The following STARD13 variants were observed in gnomAD, a reference collection of about 807,000 sequenced individuals.
STARD13 encodes StAR related lipid transfer domain containing 13.
Under a neutral mutation model 106.4 loss-of-function variants are expected in STARD13, and 62 were observed. The ratio of observed to expected loss-of-function variants is 0.58; its 90% CI spans 0.48 to 0.72. The LOEUF is 0.72. Ranked by LOEUF, STARD13 falls within the 30% of genes least tolerant of loss-of-function variation. STARD13 has a pLI of 0.00. For missense variants in STARD13, 1,387 were observed against 1,424.0 expected (o/e 0.97, Z 0.42); for synonymous variants, 565 against 553.0 (o/e 1.02, Z -0.31).
chr13:33,153,249 GC>G (rs1881520668), intron 3 of STARD13, among the ~76,000 whole-genome samples: 1 of 152,166 alleles, frequency 6.6e-6, no homozygotes, highest in African/African-American at 2.4e-5. Context: ...TGACTAAGAT[GC>G]CATCCCCACT....
At chr13:33,207,871 G>A (rs1012392467) in intron 1 of STARD13, among the ~76,000 whole-genome samples, 3 of 152,200 alleles carry the variant, frequency 2.0e-5, no homozygotes, top group South Asian at 2.1e-4. Flanking sequence ...ACCCTGCCCC[G>A]CCCACAAAAG....
chr13:33,519,221 T>TTTCTTTCTTTCC, the STARD13 span, among the ~76,000 whole-genome samples: 1 of 136,016 alleles, frequency 7.4e-6, no homozygotes, highest in Non-Finnish European at 1.6e-5. Flanking sequence ...TCTTTCTTTC[T>TTTCTTTCTTTCC]TTCTTTCTTT....
the STARD13 span, among the ~76,000 whole-genome samples, chr13:33,474,489 T>C: frequency 6.6e-6 from 1 of 152,238 alleles, no homozygotes; most frequent in Non-Finnish European, 1.5e-5. Context: ...TGTTCCATAT[T>C]ATTTTTACCT....
chr13:33,183,106 G>T (rs565159923), intron 1 of STARD13, among the ~76,000 whole-genome samples: 13 of 152,184 alleles, frequency 8.5e-5, no homozygotes, highest in Non-Finnish European at 1.9e-4. Context: ...CTGTATCCCA[G>T]GTTAGCTCGG....
chr13:33,625,844 G>A, the STARD13 span, among the ~76,000 whole-genome samples: 1 of 151,914 alleles, frequency 6.6e-6, no homozygotes, highest in African/African-American at 2.4e-5. Context: ...TGGGACTATA[G>A]GTTCTCGCCA....
chr13:33,171,113 T>C (rs1883905049), intron 1 of STARD13, among the ~76,000 whole-genome samples: 1 of 152,236 alleles, frequency 6.6e-6, no homozygotes, highest in South Asian at 2.1e-4. Flanking sequence ...TGAAAAACTC[T>C]TTTTTATTGT....
At chr13:33,542,422 G>A in the STARD13 span, among the ~76,000 whole-genome samples, 3 of 152,204 alleles carry the variant, frequency 2.0e-5, no homozygotes, top group East Asian at 3.9e-4. Flanking sequence ...CCCAAACCCC[G>A]TGGGCGGGAT....
the STARD13 span, chr13:33,511,238 G>C: frequency 1.3e-5 from 2 of 149,686 alleles, no homozygotes; most frequent in Non-Finnish European, 1.5e-5. Flanking sequence ...GCTTGAACCT[G>C]GGGGGTGGAG....
intron 1 of STARD13, among the ~76,000 whole-genome samples, chr13:33,169,126 G>C (rs1054520289): frequency 4.6e-5 from 7 of 152,164 alleles, no homozygotes; most frequent in African/African-American, 1.7e-4. Context: ...ATGGACACAT[G>C]GTTCAGAAAC....
the STARD13 span, among the ~76,000 whole-genome samples, chr13:33,561,064 G>C: frequency 1.1e-4 from 16 of 151,402 alleles, no homozygotes; most frequent in African/African-American, 3.9e-4. Flanking sequence ...TAAGAATCTT[G>C]TCTATGTTAC....
intron 1 of STARD13, among the ~76,000 whole-genome samples, chr13:33,232,779 A>G (rs1478302027): frequency 1.3e-5 from 2 of 152,210 alleles, no homozygotes; most frequent in Non-Finnish European, 2.9e-5. Flanking sequence ...CACTCAAGGG[A>G]ATGAAACTCA....
chr13:33,651,001 C>G, the STARD13 span, among the ~76,000 whole-genome samples: 1 of 152,226 alleles, frequency 6.6e-6, no homozygotes, highest in Non-Finnish European at 1.5e-5. Flanking sequence ...TTTTTCTAAA[C>G]TACCCAGTCT....
the STARD13 span, among the ~76,000 whole-genome samples, chr13:33,675,965 A>G: frequency 6.6e-6 from 1 of 152,222 alleles, no homozygotes; most frequent in East Asian, 1.9e-4. Flanking sequence ...TTTCTACAGG[A>G]AGATCGGATT....
the STARD13 span, among the ~76,000 whole-genome samples, chr13:33,676,400 C>T: frequency 3.3e-5 from 5 of 152,168 alleles, no homozygotes; most frequent in African/African-American, 1.2e-4. Context: ...AGAGAGAAAA[C>T]CCAGTCTATT....
At chr13:33,644,362 T>C in the STARD13 span, among the ~76,000 whole-genome samples, 18 of 152,170 alleles carry the variant, frequency 1.2e-4, no homozygotes, top group Admixed American at 2.0e-4. Flanking sequence ...AAGCTACCTA[T>C]AACAGGAAGA....
exon 1 of STARD13, chr13:33,350,576 C>A (rs1414377060): frequency 7.9e-6 from 11 of 1,388,864 alleles, no homozygotes; most frequent in Non-Finnish European, 1.0e-5. Context: ...TGGGAGGCTG[C>A]GCCACGCGCG....
At chr13:33,379,953 T>A in the STARD13 span, among the ~76,000 whole-genome samples, 5 of 152,250 alleles carry the variant, frequency 3.3e-5, no homozygotes, top group African/African-American at 1.2e-4. Context: ...ATAAGGTCCC[T>A]GCACTCAAGG....
chr13:33,345,746 G>T (rs541491676), downstream of STARD13, among the ~76,000 whole-genome samples: 1 of 152,192 alleles, frequency 6.6e-6, no homozygotes, highest in South Asian at 2.1e-4. Flanking sequence ...GCAATGAAGT[G>T]AATATATTTG....
intron 1 of STARD13, chr13:33,278,259 C>T (rs942269932): frequency 6.6e-6 from 1 of 152,124 alleles, no homozygotes; most frequent in Non-Finnish European, 1.5e-5. Context: ...GTAGCATTTC[C>T]AAAAATGACT....
Sources: allele counts gnomAD v4.1 joint callset (sites outside exome capture counted in the v4.1 genomes callset), GRCh38; gene constraint gnomAD v4.1.1; transcripts MANE v1.5; gene names NCBI Gene and HGNC (gene_info 2026-07-23, HGNC 2026-07-21).